Variants in UBE2G1 observed in about 807,000 individuals in gnomAD.
The protein encoded by UBE2G1 is ubiquitin conjugating enzyme E2 G1.
UBE2G1 carries 5 observed loss-of-function variants against 22.7 expected under a neutral mutation model. The ratio of observed to expected loss-of-function variants is 0.22; its 90% confidence interval spans 0.12 to 0.46. UBE2G1 has a LOEUF of 0.46. Ranked by LOEUF, UBE2G1 falls within the 20% of genes least tolerant of loss-of-function variation. The probability of loss-of-function intolerance (pLI) is 0.99; values close to 1 mark genes in which losing one functional copy is unlikely to be tolerated. For synonymous variants in UBE2G1, 74 were observed against 67.5 expected, an observed-to-expected ratio of 1.10 and a Z score of -0.47; for missense variants, 88 against 203.9, an observed-to-expected ratio of 0.43 and a Z score of 3.46.
chr17:4,329,539 A>AT (rs1969544854), intron 1 of UBE2G1, among the ~76,000 whole-genome samples: 1 of 151,876 alleles, frequency 6.6e-6, no homozygotes, highest in African/African-American at 2.4e-5. Flanking sequence ...GCCTGGGTGA[A>AT]TGAGACTCTG....
In UBE2G1 at chr17:4,336,420, GAAT is replaced by G. The variant is rs764908596; in HGVS notation, c.47-29300_47-29298del. Among the ~76,000 whole-genome samples, 4 of 152,054 alleles carry G rather than the reference GAAT, an allele frequency of 2.6e-5. No homozygotes were observed. In the South Asian group the frequency reaches 6.2e-4, roughly 24 times the overall value. ...AAAACCAGCTGAATTCAAACTGAAA[GAAT>G]ATTAAAGGAGGCAGAAAAGGGTCAT... is the stretch of plus-strand genomic sequence containing the variant. On this transcript the variant is annotated intron_variant, in intron 1 of 5. Transcript: ENST00000396981.
intron 1 of UBE2G1, among the ~76,000 whole-genome samples, chr17:4,352,087 G>A (rs931124704): frequency 1.3e-5 from 2 of 152,048 alleles, no homozygotes; most frequent in Admixed American, 6.6e-5. Flanking sequence ...GTGAAACTCC[G>A]TCTTTTAAAT....
rs1423733115 is a variant in UBE2G1 at position 4,363,985 on chromosome 17, A to C, written c.46+2286T>G. On this transcript the variant is annotated intron_variant, in intron 1 of 5. Coordinates refer to ENST00000396981, the MANE Select transcript of UBE2G1 (RefSeq NM_003342.5). ...AAAAAAAAAAAAAAAAAAGATGCAG[A>C]CGGGCACGGTGGCTCACGCCTGTAA... 2.6e-4 allele frequency among the ~76,000 whole-genome samples: 33 copies of C among 128,490 alleles called. 1 individual carries two copies. Among genetic ancestry groups the C allele is most frequent in the South Asian group, 2.6e-4 (1 of 3,844 alleles). 84.3% of individuals were successfully genotyped at this position (128,490 alleles called of 152,430 possible).
chr17:4,316,994 T>C (rs1188129024), intron 1 of UBE2G1, among the ~76,000 whole-genome samples: 1 of 150,466 alleles, frequency 6.6e-6, no homozygotes, highest in African/African-American at 2.5e-5. Context: ...ATCCGAACAC[T>C]TTGGGAGGCC....
intron 1 of UBE2G1, among the ~76,000 whole-genome samples, chr17:4,356,295 T>C (rs1252048423): frequency 6.6e-6 from 1 of 151,522 alleles, no homozygotes; most frequent in Non-Finnish European, 1.5e-5. Context: ...GAGGCAGAGG[T>C]TGCAGTGAGC....
At chr17:4,332,239 G>A (rs1969587544) in intron 1 of UBE2G1, among the ~76,000 whole-genome samples, 1 of 152,030 alleles carries the variant, frequency 6.6e-6, no homozygotes, top group Non-Finnish European at 1.5e-5. Context: ...CTAAGTCAGA[G>A]GCTATATTCT....
At chr17:4,288,652 T>C (rs1343401586) in intron 4 of UBE2G1, among the ~76,000 whole-genome samples, 1 of 152,170 alleles carries the variant, frequency 6.6e-6, no homozygotes, top group African/African-American at 2.4e-5. Flanking sequence ...TCTGATTGCA[T>C]TGAAAAACTA....
intron 1 of UBE2G1, among the ~76,000 whole-genome samples, chr17:4,346,879 G>A (rs372011883): frequency 2.0e-5 from 3 of 151,996 alleles, no homozygotes; most frequent in East Asian, 1.9e-4. Context: ...AGGATCAGAC[G>A]CGGTGGCTCA....
intron 4 of UBE2G1, among the ~76,000 whole-genome samples, chr17:4,284,017 C>T (rs572757607): frequency 1.3e-5 from 2 of 151,660 alleles, no homozygotes; most frequent in South Asian, 2.1e-4. Context: ...ATTAGCTGGA[C>T]GTGGTGGTGC....
intron 5 of UBE2G1, among the ~76,000 whole-genome samples, chr17:4,277,762 C>T (rs779461499): frequency 1.3e-4 from 19 of 148,652 alleles, no homozygotes; most frequent in African/African-American, 2.5e-4. Context: ...TTTTCGTTCA[C>T]GTCTATGTCC....
chr17:4,364,722 G>C (rs1036889110), intron 1 of UBE2G1, among the ~76,000 whole-genome samples: 8 of 152,122 alleles, frequency 5.3e-5, no homozygotes, highest in Non-Finnish European at 1.0e-4. Flanking sequence ...TGGGATTACA[G>C]GCGCCCTCCG....
intron 1 of UBE2G1, among the ~76,000 whole-genome samples, chr17:4,312,515 T>C (rs1384008124): frequency 6.6e-6 from 1 of 151,444 alleles, no homozygotes; most frequent in Admixed American, 6.6e-5. Context: ...GCTAACACGG[T>C]GAAACCCCGT....
intron 1 of UBE2G1, among the ~76,000 whole-genome samples, chr17:4,343,497 T>A (rs1969733807): frequency 6.6e-6 from 1 of 151,928 alleles, no homozygotes; most frequent in Admixed American, 6.6e-5. Flanking sequence ...AGAGTGAGAC[T>A]CCATCTCAAA....
chr17:4,363,888 C>T (rs1278994788), intron 1 of UBE2G1, among the ~76,000 whole-genome samples: 1 of 129,008 alleles, frequency 7.8e-6, no homozygotes, highest in Non-Finnish European at 1.6e-5. Flanking sequence ...GGAGGCGGAG[C>T]TTGCAGTGAG....
At chr17:4,348,959 C>A (rs1054011728) in intron 1 of UBE2G1, among the ~76,000 whole-genome samples, 5 of 151,588 alleles carry the variant, frequency 3.3e-5, no homozygotes, top group African/African-American at 1.2e-4. Flanking sequence ...GAGGCCAAGG[C>A]AGGCAGATCA....
At chr17:4,291,284 C>T (rs1440551816) in intron 3 of UBE2G1, among the ~76,000 whole-genome samples, 6 of 143,492 alleles carry the variant, frequency 4.2e-5, no homozygotes, top group East Asian at 2.1e-4. Flanking sequence ...TGCTTGAAGC[C>T]GGGAGGCAGA....
chr17:4,296,857 G>A (rs756859979), intron 2 of UBE2G1, 43 bp from the exon 3 acceptor site: 1 of 1,543,082 alleles, frequency 6.5e-7, no homozygotes, highest in Non-Finnish European at 8.9e-7. Flanking sequence ...ATAAGTTCCT[G>A]CTTTTAAGTA....
intron 1 of UBE2G1, among the ~76,000 whole-genome samples, chr17:4,334,787 C>T (rs1969624857): frequency 6.6e-6 from 1 of 152,130 alleles, no homozygotes; most frequent in Non-Finnish European, 1.5e-5. Context: ...GATCCACCCG[C>T]CTCAGCATCC....
chr17:4,335,225 G>C (rs2143785438), intron 1 of UBE2G1: 1 of 152,266 alleles, frequency 6.6e-6, no homozygotes, highest in Admixed American at 6.5e-5. Context: ...ACAGGAAAAT[G>C]TAAGAGAATC....
Sources: gnomAD v4.1 joint callset for allele counts (sites outside exome capture counted in the v4.1 genomes callset) on GRCh38, gnomAD v4.1.1 for gene constraint, MANE v1.5 for transcripts, NCBI Gene and HGNC (gene_info 2026-07-23, HGNC 2026-07-21) for gene names.